PCSK5: variants seen among roughly 807,000 people sequenced by gnomAD.
PCSK5 encodes the protein prohormone convertase 5.
In PCSK5, 129 loss-of-function variants were observed where a neutral mutation model predicts 233.2. That is an observed-to-expected ratio of 0.55 (90% CI 0.48 to 0.64). The LOEUF (loss-of-function observed/expected upper bound fraction) is 0.64. PCSK5 is among the 30% of genes least tolerant of loss of function. The probability of loss-of-function intolerance (pLI) is 0.00; values close to 1 mark genes in which losing one functional copy is unlikely to be tolerated. For missense variants in PCSK5, 2,076 were observed against 2,430.1 expected, an observed-to-expected ratio of 0.85 and a Z score of 3.06; for synonymous variants, 825 against 879.2, an observed-to-expected ratio of 0.94 and a Z score of 1.09.
chr9:76,166,541 C>A (rs1823094117), intron 12 of PCSK5, among the ~76,000 whole-genome samples: 1 of 152,166 alleles, frequency 6.6e-6, no homozygotes, highest in African/African-American at 2.4e-5. Context: ...TAAAAGTTGG[C>A]TGAGGTTGTG....
intron 2 of PCSK5, among the ~76,000 whole-genome samples, chr9:75,971,746 G>T (rs1415213228): frequency 6.6e-6 from 1 of 151,322 alleles, no homozygotes; most frequent in Non-Finnish European, 1.5e-5. Flanking sequence ...AGAAGTACCT[G>T]TTCATGTCCT....
chr9:76,101,693 C>T (rs550141301), intron 8 of PCSK5, among the ~76,000 whole-genome samples: 2 of 152,268 alleles, frequency 1.3e-5, no homozygotes, highest in South Asian at 4.1e-4. Flanking sequence ...CTGCTTAGCC[C>T]TCTCCTGATG....
chr9:76,340,990 G>A (rs187308463), intron 35 of PCSK5, among the ~76,000 whole-genome samples: 3 of 151,762 alleles, frequency 2.0e-5, no homozygotes, highest in African/African-American at 7.2e-5. Flanking sequence ...TGAGGTGGGA[G>A]GATCACTAGA....
At chr9:76,111,620 A>G (rs770946857) in intron 9 of PCSK5, among the ~76,000 whole-genome samples, 8 of 152,180 alleles carry the variant, frequency 5.3e-5, no homozygotes, top group Non-Finnish European at 1.2e-4. Context: ...TGTTTCAGCT[A>G]AATGAATAGG....
chr9:76,268,027 T>A (rs1442759938), intron 24 of PCSK5, among the ~76,000 whole-genome samples: 1 of 152,002 alleles, frequency 6.6e-6, no homozygotes, highest in Non-Finnish European at 1.5e-5. Flanking sequence ...AACGTGGGAC[T>A]GGTGAGGTGG....
intron 35 of PCSK5, among the ~76,000 whole-genome samples, chr9:76,345,845 G>A (rs974078261): frequency 2.2e-4 from 34 of 151,998 alleles, no homozygotes; most frequent in African/African-American, 8.2e-4. Context: ...TCAGCCTCCC[G>A]AGTAGCTGGG....
At chr9:76,022,650 G>A (rs568598317) in intron 3 of PCSK5, among the ~76,000 whole-genome samples, 48 of 152,166 alleles carry the variant, frequency 3.2e-4, no homozygotes, top group Non-Finnish European at 6.3e-4. Flanking sequence ...ATGAATGCTA[G>A]TAAATTATGT....
intron 5 of PCSK5, among the ~76,000 whole-genome samples, chr9:76,042,372 G>T (rs2789606): frequency 6.6e-6 from 1 of 152,116 alleles, no homozygotes; most frequent in African/African-American, 2.4e-5. Context: ...TTCAGGCCAG[G>T]CACCATGGTG....
Position 76,015,935 on chromosome 9 carries a change from A to G in PCSK5, c.412-7803A>G, listed in dbSNP as rs118051684. 2.4e-3 allele frequency among the ~76,000 whole-genome samples: 364 copies of G among 152,278 alleles called. 10 individuals are homozygous for G. The East Asian group carries it at 0.063, about 26-fold the overall frequency. On this transcript the variant is annotated intron_variant, in intron 3 of 37. Transcript: ENST00000674117. ...TTTGTAACTTGTATTCTCCAGCTAT[A>G]CTGTCTTAAGTTCCTTTAACACTCC...
chr9:76,154,056 A>G (rs1297313877), intron 10 of PCSK5, among the ~76,000 whole-genome samples: 1 of 152,182 alleles, frequency 6.6e-6, no homozygotes, highest in Non-Finnish European at 1.5e-5. Context: ...CCGTATTCAC[A>G]CCAGATTTTG....
chr9:76,064,839 T>C (rs1345238621), intron 5 of PCSK5, among the ~76,000 whole-genome samples: 1 of 152,062 alleles, frequency 6.6e-6, no homozygotes, highest in African/African-American at 2.4e-5. Context: ...CGCTCCTCAC[T>C]TCCTAGATGT....
At chr9:76,009,981 A>C (rs1827661741) in intron 3 of PCSK5, among the ~76,000 whole-genome samples, 1 of 151,672 alleles carries the variant, frequency 6.6e-6, no homozygotes, top group South Asian at 2.1e-4. Flanking sequence ...ACCAGGCCTG[A>C]AGAAAGAGGT....
intron 9 of PCSK5, among the ~76,000 whole-genome samples, chr9:76,131,015 G>A (rs1438670441): frequency 6.6e-6 from 1 of 152,134 alleles, no homozygotes; most frequent in Non-Finnish European, 1.5e-5. Context: ...CCACTGGAGT[G>A]TGGGTCCAAG....
chr9:76,043,931 GTCTTTCTC>G (rs560816609), intron 5 of PCSK5, among the ~76,000 whole-genome samples: 203 of 152,176 alleles, frequency 1.3e-3, no homozygotes, highest in African/African-American at 4.6e-3. Flanking sequence ...AAATCAGTCA[GTCTTTCTC>G]TCTTTCTCTC....
chr9:75,905,421 G>A (rs920084711), intron 1 of PCSK5, among the ~76,000 whole-genome samples: 6 of 152,228 alleles, frequency 3.9e-5, no homozygotes, highest in Non-Finnish European at 7.3e-5. Context: ...GCAAGCTGAG[G>A]CAGAAAGAGG....
chr9:76,230,413 T>A (rs2131314439), intron 21 of PCSK5, among the ~76,000 whole-genome samples: 1 of 152,346 alleles, frequency 6.6e-6, no homozygotes, highest in Admixed American at 6.5e-5. Flanking sequence ...GGGTTCTATA[T>A]CTGCTTCCTC....
At chr9:76,082,004 T>C (rs1300191206) in intron 7 of PCSK5, among the ~76,000 whole-genome samples, 1 of 152,194 alleles carries the variant, frequency 6.6e-6, no homozygotes, top group Non-Finnish European at 1.5e-5. Context: ...GTCAATGAAG[T>C]ATTTTCATAG....
intron 20 of PCSK5, among the ~76,000 whole-genome samples, chr9:76,227,051 TACCAC>T (rs909038947): frequency 5.3e-5 from 8 of 152,192 alleles, no homozygotes; most frequent in Non-Finnish European, 8.8e-5. Flanking sequence ...TAACCATGAT[TACCAC>T]ACCTCTACCC....
intron 12 of PCSK5, among the ~76,000 whole-genome samples, chr9:76,165,993 C>T (rs966445703): frequency 7.9e-5 from 12 of 152,206 alleles, no homozygotes; most frequent in Admixed American, 7.9e-4. Flanking sequence ...TTGTTTTATG[C>T]AGAGATGCAG....
Sources: allele counts gnomAD v4.1 joint callset (sites outside exome capture counted in the v4.1 genomes callset), GRCh38; gene constraint gnomAD v4.1.1; transcripts MANE v1.5; gene names NCBI Gene and HGNC (gene_info 2026-07-23, HGNC 2026-07-21).